The following DNAAF19 variants were observed in gnomAD, a reference collection of about 807,000 sequenced individuals.
The protein encoded by DNAAF19 is coiled-coil domain containing 103.
the DNAAF19 span, chr17:44,901,573 G>A: frequency 1.6e-5 from 26 of 1,614,156 alleles, no homozygotes; most frequent in Admixed American, 1.8e-4. Flanking sequence ...GATAAGATGG[G>A]AGGAAAGAGA....
chr17:44,903,617 C>G, the DNAAF19 span: 2 of 1,402,910 alleles, frequency 1.4e-6, no homozygotes, highest in Non-Finnish European at 1.8e-6. Flanking sequence ...ACCCTGAGAT[C>G]AGGTCTGGAA....
chr17:44,903,920 C>T, the DNAAF19 span: 2 of 1,550,562 alleles, frequency 1.3e-6, no homozygotes, highest in Admixed American at 2.0e-5. Context: ...TCAGAGGACC[C>T]CCTGCCCTGC....
At chr17:44,901,449 A>C in the DNAAF19 span, 1 of 1,562,988 alleles carries the variant, frequency 6.4e-7, no homozygotes. Context: ...TATACCATGC[A>C]AAGTCTAGCT....
the DNAAF19 span, chr17:44,902,706 C>T: frequency 5.9e-5 from 95 of 1,613,840 alleles, no homozygotes; most frequent in East Asian, 1.8e-3. Context: ...ACCCCAGATC[C>T]GTGAAGGAGG....
chr17:44,904,208 A>C, the DNAAF19 span: 3 of 1,550,506 alleles, frequency 1.9e-6, no homozygotes, highest in African/African-American at 4.1e-5. Flanking sequence ...CTTCTGCGGC[A>C]CCCGCAAGGG....
At chr17:44,903,205 C>T in the DNAAF19 span, 4 of 1,264,148 alleles carry the variant, frequency 3.2e-6, no homozygotes, top group Non-Finnish European at 4.0e-6. Flanking sequence ...CACTGATCTC[C>T]ACAGCTCTTA....
At chr17:44,900,598 T>C in the DNAAF19 span, among the ~76,000 whole-genome samples, 1 of 152,286 alleles carries the variant, frequency 6.6e-6, no homozygotes, top group South Asian at 2.1e-4. Flanking sequence ...TCTGCCTTTG[T>C]GTGAGGTCCC....
At chr17:44,901,567 A>G in the DNAAF19 span, 1 of 1,614,150 alleles carries the variant, frequency 6.2e-7, no homozygotes. Flanking sequence ...CGGAAGGATA[A>G]GATGGGAGGA....
At chr17:44,904,687 C>T in the DNAAF19 span, 7 of 1,550,586 alleles carry the variant, frequency 4.5e-6, no homozygotes, top group Non-Finnish European at 6.1e-6. Context: ...ATGGACTCAT[C>T]ATCTCCTGTC....
the DNAAF19 span, chr17:44,904,014 C>T: frequency 2.6e-6 from 4 of 1,550,666 alleles, no homozygotes; most frequent in Non-Finnish European, 3.5e-6. Context: ...GAGGTGCCAG[C>T]TGTAGTCTGG....
At chr17:44,902,975 T>C in the DNAAF19 span, 1 of 1,431,310 alleles carries the variant, frequency 7.0e-7, no homozygotes. Context: ...CTTCCCCACT[T>C]CTCCAGTCCC....
chr17:44,901,971 T>G, the DNAAF19 span, among the ~76,000 whole-genome samples: 3 of 152,164 alleles, frequency 2.0e-5, no homozygotes, highest in African/African-American at 7.2e-5. Flanking sequence ...GTGTCTAGTG[T>G]AATGATCCTG....
At chr17:44,900,671 G>A in the DNAAF19 span, among the ~76,000 whole-genome samples, 1 of 152,136 alleles carries the variant, frequency 6.6e-6, no homozygotes, top group Non-Finnish European at 1.5e-5. Context: ...TGAATTCTGA[G>A]ATCCCAATGC....
chr17:44,905,067 C>T, the DNAAF19 span: 2 of 1,535,320 alleles, frequency 1.3e-6, no homozygotes, highest in African/African-American at 1.4e-5. Context: ...AGCTTCTCCC[C>T]CTAGGAGCTC....
the DNAAF19 span, chr17:44,904,012 A>C: frequency 6.4e-7 from 1 of 1,550,552 alleles, no homozygotes; most frequent in Admixed American, 2.0e-5. Flanking sequence ...AAGAGGTGCC[A>C]GCTGTAGTCT....
the DNAAF19 span, chr17:44,902,233 C>G: frequency 7.8e-7 from 1 of 1,280,248 alleles, no homozygotes; most frequent in Non-Finnish European, 1.1e-6. Flanking sequence ...CGCCAAGGAC[C>G]ACAGCTTTCC....
At chr17:44,904,567 A>G in the DNAAF19 span, 2 of 1,550,568 alleles carry the variant, frequency 1.3e-6, no homozygotes, top group Non-Finnish European at 1.7e-6. Context: ...GTGAGAAGAC[A>G]AAGACCATCC....
chr17:44,904,033 A>G, the DNAAF19 span: 1 of 1,550,644 alleles, frequency 6.4e-7, no homozygotes. Flanking sequence ...GGTTCTACCA[A>G]AAGCACCTAG....
chr17:44,904,660 C>G, the DNAAF19 span: 13 of 1,550,556 alleles, frequency 8.4e-6, no homozygotes, highest in South Asian at 5.9e-5. Context: ...TTCAGTTCCA[C>G]CAGCAGAGAC....
Sources: gnomAD v4.1 joint callset for allele counts (sites outside exome capture counted in the v4.1 genomes callset) on GRCh38, gnomAD v4.1.1 for gene constraint, MANE v1.5 for transcripts, NCBI Gene and HGNC (gene_info 2026-07-23, HGNC 2026-07-21) for gene names.